Variants in HSD17B3 observed in about 807,000 individuals in gnomAD.
The protein encoded by HSD17B3 is hydroxysteroid 17-beta dehydrogenase 3.
A neutral mutation model predicts 41.1 loss-of-function variants in HSD17B3; 29 were observed. The observed-to-expected ratio is 0.71, with a 90% confidence interval of 0.53 to 0.96. The LOEUF is 0.96. HSD17B3 is among the 40% of genes least tolerant of loss of function. The pLI is 0.00. For synonymous variants in HSD17B3, 126 were observed against 145.6 expected, an observed-to-expected ratio of 0.87 and a Z score of 0.97; for missense variants, 323 against 374.6, an observed-to-expected ratio of 0.86 and a Z score of 1.14.
intron 6 of HSD17B3, among the ~76,000 whole-genome samples, chr9:96,247,801 A>G (rs897075384): frequency 6.6e-6 from 1 of 152,072 alleles, no homozygotes; most frequent in Non-Finnish European, 1.5e-5. Flanking sequence ...AAGGCTTCCA[A>G]TGTTCAGTTT....
intron 8 of HSD17B3, among the ~76,000 whole-genome samples, chr9:96,244,687 G>A (rs957836701): frequency 1.3e-5 from 2 of 152,042 alleles, no homozygotes; most frequent in Admixed American, 1.3e-4. Context: ...GTAAGTATGT[G>A]AGGTCATGGA....
intron 2 of HSD17B3, among the ~76,000 whole-genome samples, chr9:96,258,691 G>C (rs984702124): frequency 6.6e-6 from 1 of 152,058 alleles, no homozygotes; most frequent in Non-Finnish European, 1.5e-5. Context: ...TATTGAGGTA[G>C]GGATATTTAG....
At chr9:96,251,226 T>G (rs570278840) in intron 5 of HSD17B3, 192 bp downstream of exon 5, 51 of 606,360 alleles carry the variant, frequency 8.4e-5, no homozygotes, top group Admixed American at 5.5e-4. Context: ...CCTAGAGATA[T>G]CGTGAAAAGT....
chr9:96,277,713 G>A (rs955278610), intron 2 of HSD17B3, among the ~76,000 whole-genome samples: 1 of 152,086 alleles, frequency 6.6e-6, no homozygotes, highest in East Asian at 1.9e-4. Flanking sequence ...TATATCCAAA[G>A]GAAATGAAAT....
chr9:96,252,262 C>T (rs1423544857), intron 4 of HSD17B3, among the ~76,000 whole-genome samples: 2 of 151,882 alleles, frequency 1.3e-5, no homozygotes, highest in Non-Finnish European at 1.5e-5. Context: ...ATAGTTGGTC[C>T]GGCCGGGTGC....
At chr9:96,249,947 T>A (rs1295563031) in intron 5 of HSD17B3, 161 bp from the exon 6 acceptor site, 2 of 1,521,950 alleles carry the variant, frequency 1.3e-6, no homozygotes, top group African/African-American at 1.4e-5. Flanking sequence ...CCAGCAAGCA[T>A]GTACTAGCAT....
chr9:96,301,876 G>A (rs1205077473), intron 1 of HSD17B3, 75 bp downstream of exon 1: 1 of 1,507,744 alleles, frequency 6.6e-7, no homozygotes, highest in African/African-American at 1.4e-5. Flanking sequence ...GCAAGTGTCT[G>A]TCTCAAAAAT....
intron 2 of HSD17B3, among the ~76,000 whole-genome samples, chr9:96,276,443 C>T (rs566475302): frequency 6.6e-6 from 1 of 152,008 alleles, no homozygotes; most frequent in East Asian, 1.9e-4. Flanking sequence ...CACAAATAGC[C>T]AAAACAATCT....
At chr9:96,263,553 TAA>T (rs55948029) in intron 2 of HSD17B3, among the ~76,000 whole-genome samples, 127 of 144,180 alleles carry the variant, frequency 8.8e-4, no homozygotes, top group East Asian at 5.5e-3. Flanking sequence ...CCGTCTCTAC[TAA>T]AAAAAAAAAA....
intron 2 of HSD17B3, among the ~76,000 whole-genome samples, chr9:96,264,070 T>C (rs1430238166): frequency 6.6e-6 from 1 of 152,198 alleles, no homozygotes; most frequent in African/African-American, 2.4e-5. Context: ...ACAATGTATA[T>C]ATATTTTAAA....
At chr9:96,257,503 G>A (rs1245325648) in intron 2 of HSD17B3, among the ~76,000 whole-genome samples, 1 of 151,724 alleles carries the variant, frequency 6.6e-6, no homozygotes, top group African/African-American at 2.4e-5. Flanking sequence ...TTTGTTTTGT[G>A]GGTTTTATTT....
chr9:96,291,574 C>A (rs1587788322), intron 2 of HSD17B3, among the ~76,000 whole-genome samples: 1 of 152,314 alleles, frequency 6.6e-6, no homozygotes, highest in East Asian at 1.9e-4. Flanking sequence ...GAACCAAGAT[C>A]TTAATCTGAA....
intron 6 of HSD17B3, 61 bp from the exon 7 acceptor site, chr9:96,246,651 G>C (rs1836678081): frequency 8.1e-6 from 12 of 1,480,774 alleles, no homozygotes; most frequent in Non-Finnish European, 1.1e-5. Flanking sequence ...AAGGGGGCGG[G>C]ATGGAAACAG....
intron 2 of HSD17B3, among the ~76,000 whole-genome samples, chr9:96,279,536 T>G (rs879794204): frequency 6.6e-6 from 1 of 152,070 alleles, no homozygotes; most frequent in South Asian, 2.1e-4. Flanking sequence ...TTAGAGAGAA[T>G]AGATTGTAAA....
chr9:96,283,148 G>A (rs908758424), intron 2 of HSD17B3, among the ~76,000 whole-genome samples: 22 of 151,772 alleles, frequency 1.4e-4, no homozygotes, highest in Middle Eastern at 3.2e-3. Context: ...TGGGATTACA[G>A]GCATCCACCA....
At chr9:96,250,115 G>C in intron 5 of HSD17B3, 1 of 1,317,760 alleles carries the variant, frequency 7.6e-7, no homozygotes, top group African/African-American at 1.5e-5. Context: ...GAGGAAGAGG[G>C]GTTAGCCTAT....
chr9:96,281,421 C>A (rs1380811240), intron 2 of HSD17B3, among the ~76,000 whole-genome samples: 2 of 152,034 alleles, frequency 1.3e-5, no homozygotes, highest in Non-Finnish European at 2.9e-5. Context: ...TAGAGCCTCT[C>A]CTAAGACAGA....
intron 4 of HSD17B3, 27 bp from the exon 5 acceptor site, chr9:96,251,512 G>A: frequency 6.3e-7 from 1 of 1,599,572 alleles, no homozygotes; most frequent in Non-Finnish European, 8.6e-7. Flanking sequence ...AAACAAAAAT[G>A]TGTCAGAAGA....
In HSD17B3 at chr9:96,243,636, T is replaced by C. The variant is rs576818535; in HGVS notation, c.672+693A>G. Among the ~76,000 whole-genome samples, 7 of 152,372 alleles carry C rather than the reference T, an allele frequency of 4.6e-5. No individual in the cohort carries two copies. The East Asian group carries it at 1.3e-3, about 29-fold the overall frequency. ...AACAAAACAAAAACTCTGTTTATTC[T>C]ACGTTCCAGAAACTATCTAACTCTA... On this transcript the variant is annotated intron_variant, in intron 9 of 10. Coordinates refer to ENST00000375263, the MANE Select transcript of HSD17B3 (RefSeq NM_000197.2).
Sources: allele counts gnomAD v4.1 joint callset (sites outside exome capture counted in the v4.1 genomes callset), GRCh38; gene constraint gnomAD v4.1.1; transcripts MANE v1.5; gene names NCBI Gene and HGNC (gene_info 2026-07-23, HGNC 2026-07-21).